HSPG2: variants seen among roughly 807,000 people sequenced by gnomAD.
HSPG2 encodes heparan sulfate proteoglycan 2, also known as basement membrane-specific heparan sulfate proteoglycan core protein.
A neutral mutation model predicts 526.6 loss-of-function variants in HSPG2; 278 were observed. The observed-to-expected ratio is 0.53, with a 90% CI of 0.48 to 0.58. HSPG2 has a LOEUF of 0.58. Ranked by LOEUF, HSPG2 falls within the 20% of genes least tolerant of loss-of-function variation. The probability of loss-of-function intolerance (pLI) is 0.00; values close to 1 mark genes in which losing one functional copy is unlikely to be tolerated. For synonymous variants in HSPG2, 2,465 were observed against 2,555.4 expected, an observed-to-expected ratio of 0.96 and a Z score of 1.07; for missense variants, 5,354 against 6,099.5, an observed-to-expected ratio of 0.88 and a Z score of 4.07.
In HSPG2 at chr1:21,826,861, A is replaced by G. The variant is rs182396633; in HGVS notation, c.12589+1002T>C. On this transcript the variant is annotated intron_variant, in intron 91 of 96. Transcript: ENST00000374695. The stretch of plus-strand genomic sequence containing the variant: ...ACATTCTGTACTGACTCTGTACCAC[A>G]CATTGTTCTAGGCATTTAAAATGCA... Among the ~76,000 whole-genome samples, 373 of 152,314 alleles carry G rather than the reference A, an allele frequency of 2.4e-3. 2 individuals are homozygous for G. Among genetic ancestry groups the G allele is most frequent in the African/African-American group, 8.4e-3 (350 of 41,558 alleles).
Position 21,861,825 on chromosome 1 carries a change from C to T in HSPG2, c.4887G>A (p.Glu1629=), listed in dbSNP as rs745452531. 17 of 1,613,642 alleles carry T rather than the reference C, an allele frequency of 1.1e-5. No homozygotes were observed. The highest frequency in any genetic ancestry group is 6.6e-5 in the South Asian group (6 of 91,082). ...AGCGGTACCCGCCGGCTCCCAGGCT[C>T]TCACAGGTGCGGGAAAACCTGGGAT... ...NPENMFSRTC[E]SLGAGGYRCT... Residue 1629 remains glutamate (E), a synonymous_variant, in exon 39 of 97, where the codon GAG becomes GAA. Transcript: ENST00000374695.
rs781071944 is a variant in HSPG2 at position 21,835,624 on chromosome 1, C to T, written c.10369G>A (p.Asp3457Asn). ...ATATACGTCCCTTGGCAGCTCTGGT[C>T]CAAGTTCTGGATTCTATAAAGAAAA... ...QDGVLRIQNLDQSCQGTYICQ... is the reference protein window; with the variant it reads ...QDGVLRIQNLNQSCQGTYICQ... The change falls in exon 76 of 97, where the codon GAC (aspartate) becomes AAC (asparagine). Residue 3457 changes from aspartate (D) to asparagine (N), a missense_variant. Coordinates refer to ENST00000374695, the MANE Select transcript of HSPG2 (RefSeq NM_005529.7). 6.2e-7 allele frequency: 1 copy of T among 1,613,510 alleles called. No individual in the cohort carries two copies. The highest frequency in any genetic ancestry group is 8.5e-7 in the Non-Finnish European group (1 of 1,179,438).
In HSPG2 at chr1:21,848,945, G is replaced by C; in HGVS notation, c.7533C>G (p.Thr2511=). 6.2e-7 allele frequency: 1 copy of C among 1,613,912 alleles called. No individual in the cohort carries two copies. The highest frequency in any genetic ancestry group is 8.5e-7 in the Non-Finnish European group (1 of 1,179,988). ...YVCRVVGSSG[T]QEASVLVTIQ... ...TGGTGACAAGGACTGAGGCTTCCTG[G>C]GTACCTGAGCTGCCGACCACACGGC... The change falls in exon 58 of 97, where the codon ACC becomes ACG. Residue 2511 remains threonine, a synonymous_variant. Transcript: ENST00000374695. This position sits in a 1 kb window ranked among gnomAD's most constrained non-coding sequence, Gnocchi z 4.9.
In HSPG2 at chr1:21,864,157, C is replaced by T. The variant is rs866803342; in HGVS notation, c.4683G>A (p.Glu1561=). Residue 1561 remains glutamate (E), a synonymous_variant, in exon 37 of 97, where the codon GAG becomes GAA. Transcript: ENST00000374695. This position sits in a 1 kb window ranked among gnomAD's most constrained non-coding sequence, Gnocchi z 4.8. ...TGSGLYLGHC[E]LCECNGHSDL... ...CTGAGTGGCCATTGCATTCACATAG[C>T]TCGCAGTGGCCGAGGTAGAGCCCAC... 6.4e-7 allele frequency: 1 copy of T among 1,556,632 alleles called. No homozygotes were observed.
At chr1:21,919,696 C>T (rs1477616835) in intron 1 of HSPG2, among the ~76,000 whole-genome samples, 1 of 152,102 alleles carries the variant, frequency 6.6e-6, no homozygotes, top group Non-Finnish European at 1.5e-5. Context: ...ATCTTGTCGG[C>T]GTGCAGATTC....
At chr1:21,854,557 C>T in intron 49 of HSPG2, 54 bp downstream of exon 49, 1 of 1,520,886 alleles carries the variant, frequency 6.6e-7, no homozygotes, top group Non-Finnish European at 8.9e-7. Flanking sequence ...GGCCCCGCCT[C>T]CGCCACAGCC....
At position 21,895,045 on chromosome 1, in the gene HSPG2, T is replaced by G. The variant is rs916937503; in HGVS notation, c.244+877A>C. Among the ~76,000 whole-genome samples, 10 of 152,202 alleles carry G rather than the reference T, an allele frequency of 6.6e-5. No homozygotes were observed. Among genetic ancestry groups the G allele is most frequent in the African/African-American group, 2.4e-4 (10 of 41,456 alleles). On this transcript the variant is annotated intron_variant, in intron 3 of 96. Coordinates refer to ENST00000374695, the MANE Select transcript of HSPG2 (RefSeq NM_005529.7). This position sits in a 1 kb window ranked among gnomAD's most constrained non-coding sequence, Gnocchi z 4.1. ...ATTTGAAGGCCCCGGATATGTCAGC[T>G]AAAGGGAGGTGACTCCACCCCTGAA...
At chr1:21,877,698 A>T (rs922576651) in intron 21 of HSPG2, among the ~76,000 whole-genome samples, 3 of 151,934 alleles carry the variant, frequency 2.0e-5, no homozygotes, top group African/African-American at 7.3e-5. Flanking sequence ...GGGTTTCACC[A>T]TGTTGGCCAG....
At chr1:21,933,621 G>C (rs1465613247) in intron 1 of HSPG2, among the ~76,000 whole-genome samples, 1 of 152,238 alleles carries the variant, frequency 6.6e-6, no homozygotes, top group Admixed American at 6.5e-5. Flanking sequence ...CGCTCAGCCT[G>C]AGAGCAGGCC....
chr1:21,925,252 T>C (rs1644155740), intron 1 of HSPG2, among the ~76,000 whole-genome samples: 1 of 152,204 alleles, frequency 6.6e-6, no homozygotes, highest in Non-Finnish European at 1.5e-5. Context: ...ACTAGCTGAA[T>C]ATGTGAACAA....
intron 42 of HSPG2, among the ~76,000 whole-genome samples, chr1:21,857,650 A>G (rs1639448408): frequency 6.6e-6 from 1 of 151,990 alleles, no homozygotes; most frequent in Non-Finnish European, 1.5e-5. Flanking sequence ...ACAGACCACA[A>G]TGAGCTCCTG....
At chr1:21,913,377 C>T (rs761857796) in intron 1 of HSPG2, among the ~76,000 whole-genome samples, 2 of 152,166 alleles carry the variant, frequency 1.3e-5, no homozygotes, top group African/African-American at 2.4e-5. Flanking sequence ...GGAGGGATGC[C>T]GTGTCCTTGG....
chr1:21,888,558 G>T, intron 6 of HSPG2: 4 of 661,118 alleles, frequency 6.1e-6, no homozygotes, highest in Non-Finnish European at 6.7e-6. Context: ...CTCCCGTCTT[G>T]GCCTCCCAAA....
intron 65 of HSPG2, 33 bp from the exon 66 acceptor site, chr1:21,843,471 A>T: frequency 6.3e-7 from 1 of 1,594,796 alleles, no homozygotes; most frequent in Non-Finnish European, 8.6e-7. Context: ...GGGGAGGGTG[A>T]GCTGGGAGCC....
rs1640701402 is a variant in HSPG2, at chr1:21,872,167, G to A, written c.4221+19C>T. The A allele has an allele frequency of 6.4e-7, 1 of 1,551,476 alleles. No homozygotes were observed. The highest frequency in any genetic ancestry group is 8.7e-7 in the Non-Finnish European group (1 of 1,146,904). ...CATGTCTGAGTCACGGCTGACCCTG[G>A]TGCTTGGCTGGGGCCCACCTTGTCT... On this transcript the variant is annotated intron_variant, in intron 33 of 96. Coordinates refer to ENST00000374695, the MANE Select transcript of HSPG2 (RefSeq NM_005529.7). This position sits in a 1 kb window ranked among gnomAD's most constrained non-coding sequence, Gnocchi z 5.5.
intron 37 of HSPG2, among the ~76,000 whole-genome samples, chr1:21,863,060 C>CAAAAACAAAAAAAAAAAAAAAAAA (rs1423127350): frequency 3.2e-5 from 1 of 31,234 alleles, no homozygotes; most frequent in African/African-American, 1.5e-4. Context: ...GACTCCATCT[C>CAAAAACAAAAAAAAAAAAAAAAAA]AAAAAAAAAA....
At chr1:21,867,370 C>T (rs1640324748) in intron 33 of HSPG2, among the ~76,000 whole-genome samples, 1 of 152,052 alleles carries the variant, frequency 6.6e-6, no homozygotes, top group Non-Finnish European at 1.5e-5. Flanking sequence ...TAGGTGTGAG[C>T]CATTGTACCC....
Position 21,887,818 on chromosome 1 carries a change from T to C in HSPG2, c.703+120A>G. Reference sequence around the variant, plus strand: ...CCTGGCTCTGTCATCACCCTTCCTATGCCCCCATCCTCTGCCTGCACCAAA... The same window carrying C: ...CCTGGCTCTGTCATCACCCTTCCTACGCCCCCATCCTCTGCCTGCACCAAA... On this transcript the variant is annotated intron_variant, in intron 7 of 96. Coordinates refer to ENST00000374695, the MANE Select transcript of HSPG2 (RefSeq NM_005529.7). The surrounding 1 kb of genome is among the most constrained non-coding windows in gnomAD (Gnocchi z 5.0). 6.4e-7 allele frequency: 1 copy of C among 1,567,528 alleles called. No individual in the cohort carries two copies. The highest frequency in any genetic ancestry group is 8.8e-7 in the Non-Finnish European group (1 of 1,142,040).
chr1:21,855,216 G>A (rs1452075039), intron 47 of HSPG2, 88 bp downstream of exon 47: 5 of 1,493,178 alleles, frequency 3.3e-6, no homozygotes, highest in South Asian at 1.2e-5. Flanking sequence ...GGAGGAGGTG[G>A]GGTGGGGCGT....
Sources: allele counts gnomAD v4.1 joint callset (sites outside exome capture counted in the v4.1 genomes callset), GRCh38; gene constraint gnomAD v4.1.1; non-coding constraint Gnocchi (gnomAD v3.1); transcripts MANE v1.5; gene names NCBI Gene and HGNC (gene_info 2026-07-23, HGNC 2026-07-21).